Variants in PIP5K1B observed in about 807,000 individuals in gnomAD.
PIP5K1B encodes the protein phosphatidylinositol-4-phosphate 5-kinase type 1 beta.
A neutral mutation model predicts 67.0 loss-of-function variants in PIP5K1B; 42 were observed. That is an observed-to-expected ratio of 0.63 (90% confidence interval 0.49 to 0.81). PIP5K1B has a LOEUF of 0.81. Ranked by LOEUF, PIP5K1B falls within the 30% of genes least tolerant of loss-of-function variation. The probability of loss-of-function intolerance (pLI) is 0.00; values close to 1 mark genes in which losing one functional copy is unlikely to be tolerated. For missense variants in PIP5K1B, 459 were observed against 646.3 expected (o/e 0.71, Z 3.14); for synonymous variants, 214 against 231.4 (o/e 0.92, Z 0.68).
chr9:68,782,628 TGC>T (rs1831359965), intron 2 of PIP5K1B: 1 of 167,086 alleles, frequency 6.0e-6, no homozygotes, highest in African/African-American at 2.4e-5. Flanking sequence ...TCTTGACAGT[TGC>T]CTCAAGATGG....
intron 15 of PIP5K1B, among the ~76,000 whole-genome samples, chr9:68,997,973 CT>C (rs11454187): frequency 3.4e-4 from 49 of 145,188 alleles, no homozygotes; most frequent in South Asian, 4.5e-4. Context: ...AGCTTTTTTT[CT>C]TTTTTTTTTT....
intron 8 of PIP5K1B, among the ~76,000 whole-genome samples, chr9:68,909,194 C>T (rs544553291): frequency 6.6e-6 from 1 of 152,186 alleles, no homozygotes; most frequent in East Asian, 1.9e-4. Flanking sequence ...AAAGTTTATA[C>T]AATAAAAATA....
intron 1 of PIP5K1B, chr9:68,706,081 A>T (rs1827108867): frequency 6.6e-6 from 1 of 152,318 alleles, no homozygotes. Flanking sequence ...GAACCTGCAG[A>T]GTTTGGCAGC....
chr9:68,787,890 C>T (rs1257815564), intron 2 of PIP5K1B, among the ~76,000 whole-genome samples: 1 of 152,198 alleles, frequency 6.6e-6, no homozygotes, highest in African/African-American at 2.4e-5. Flanking sequence ...ACCTCAGCCT[C>T]CCAAAGTGCT....
intron 5 of PIP5K1B, among the ~76,000 whole-genome samples, chr9:68,872,322 T>A (rs186726961): frequency 1.3e-5 from 2 of 152,346 alleles, no homozygotes; most frequent in East Asian, 3.9e-4. Flanking sequence ...CCCTGACAAA[T>A]ATCCGGGCCC....
chr9:68,942,403 T>C (rs904219621), intron 14 of PIP5K1B, among the ~76,000 whole-genome samples: 2 of 152,204 alleles, frequency 1.3e-5, no homozygotes, highest in African/African-American at 4.8e-5. Flanking sequence ...CTTCAATCAT[T>C]TCGTGAGATT....
intron 2 of PIP5K1B, among the ~76,000 whole-genome samples, chr9:68,805,509 G>A (rs1832825523): frequency 6.6e-6 from 1 of 152,194 alleles, no homozygotes; most frequent in Non-Finnish European, 1.5e-5. Context: ...ACTGCCCTGT[G>A]AGAGAGGTAC....
At chr9:68,816,326 A>G (rs965345474) in intron 2 of PIP5K1B, among the ~76,000 whole-genome samples, 1 of 151,964 alleles carries the variant, frequency 6.6e-6, no homozygotes, top group East Asian at 1.9e-4. Flanking sequence ...ACAGGGTTTC[A>G]CCATAATGGC....
chr9:68,950,491 A>G (rs1828005903), intron 14 of PIP5K1B, among the ~76,000 whole-genome samples: 1 of 152,174 alleles, frequency 6.6e-6, no homozygotes, highest in South Asian at 2.1e-4. Flanking sequence ...CTTCCCTGCC[A>G]TGGCCTCTCT....
chr9:69,002,219 T>C lies in PIP5K1B; in HGVS notation c.1621-6228T>C, dbSNP rs78058129. ...CCCAATTGTACACATCCTTCAAGGA[T>C]GGCGAAAGTCCTGCCTTCTGCCTCA... is the stretch of plus-strand genomic sequence containing the variant. On this transcript the variant is annotated intron_variant, in intron 15 of 15. Coordinates refer to ENST00000265382, the MANE Select transcript of PIP5K1B (RefSeq NM_003558.4). Among the ~76,000 whole-genome samples the C allele has an allele frequency of 2.7e-3, 413 of 152,354 alleles. 3 individuals are homozygous for C. Among genetic ancestry groups the C allele is most frequent in the African/African-American group, 9.7e-3 (405 of 41,584 alleles).
intron 14 of PIP5K1B, among the ~76,000 whole-genome samples, chr9:68,953,207 C>T (rs1340074149): frequency 6.6e-6 from 1 of 152,150 alleles, no homozygotes; most frequent in Admixed American, 6.5e-5. Context: ...TCCTCAACTT[C>T]ATCTCCTAAT....
At chr9:68,757,392 TAGG>T (rs1048186482) in intron 2 of PIP5K1B, among the ~76,000 whole-genome samples, 5 of 152,262 alleles carry the variant, frequency 3.3e-5, no homozygotes, top group African/African-American at 1.2e-4. Flanking sequence ...AAAACTCAGA[TAGG>T]AGAAACTTCA....
intron 14 of PIP5K1B, among the ~76,000 whole-genome samples, chr9:68,960,777 TC>T (rs1390760316): frequency 5.9e-5 from 9 of 152,234 alleles, no homozygotes; most frequent in Admixed American, 2.6e-4. Context: ...ATAGTTGGGG[TC>T]TAAGGGTTTT....
intron 8 of PIP5K1B, among the ~76,000 whole-genome samples, chr9:68,907,926 C>G (rs1459718883): frequency 6.6e-6 from 1 of 152,184 alleles, no homozygotes; most frequent in African/African-American, 2.4e-5. Context: ...CTTTCTTTGT[C>G]CATAGAGTAA....
chr9:68,808,010 C>T (rs563459616), intron 2 of PIP5K1B, among the ~76,000 whole-genome samples: 2 of 152,158 alleles, frequency 1.3e-5, no homozygotes, highest in Non-Finnish European at 2.9e-5. Flanking sequence ...CCAGCTTGGC[C>T]AACATGGCAA....
intron 1 of PIP5K1B, among the ~76,000 whole-genome samples, chr9:68,725,826 G>T (rs1169790155): frequency 6.6e-6 from 1 of 152,148 alleles, no homozygotes; most frequent in African/African-American, 2.4e-5. Context: ...TCCAAACTAG[G>T]ACATAATTCT....
At chr9:68,709,312 G>A (rs1488388578) in intron 1 of PIP5K1B, among the ~76,000 whole-genome samples, 2 of 151,896 alleles carry the variant, frequency 1.3e-5, no homozygotes, top group African/African-American at 4.8e-5. Context: ...CCCAACTCCA[G>A]CCTCAACCTC....
chr9:68,905,335 T>C (rs1486477311), intron 8 of PIP5K1B, among the ~76,000 whole-genome samples: 1 of 152,102 alleles, frequency 6.6e-6, no homozygotes, highest in Non-Finnish European at 1.5e-5. Context: ...TGGAAAGGCT[T>C]TGAGGTTGGC....
At chr9:68,820,236 C>T (rs140454209) in intron 3 of PIP5K1B, among the ~76,000 whole-genome samples, 2 of 152,186 alleles carry the variant, frequency 1.3e-5, no homozygotes, top group Non-Finnish European at 2.9e-5. Flanking sequence ...ATACATAAAC[C>T]ATTTTAATTC....
Sources: allele counts gnomAD v4.1 joint callset (sites outside exome capture counted in the v4.1 genomes callset), GRCh38; gene constraint gnomAD v4.1.1; transcripts MANE v1.5; gene names NCBI Gene and HGNC (gene_info 2026-07-23, HGNC 2026-07-21).